The following RYR3 variants were observed in gnomAD, a reference collection of about 807,000 sequenced individuals.
RYR3 encodes the protein ryanodine receptor 3.
RYR3 carries 207 observed loss-of-function variants against 584.3 expected under a neutral mutation model. The observed-to-expected ratio is 0.35, with a 90% CI of 0.32 to 0.40. The LOEUF (loss-of-function observed/expected upper bound fraction) is 0.40. Among genes scored for constraint, RYR3 ranks in the 10% least tolerant of loss-of-function variants. The pLI is 1.00. For missense variants in RYR3, 5,616 were observed against 6,089.2 expected (o/e 0.92, Z 2.59); for synonymous variants, 2,416 against 2,248.5 (o/e 1.07, Z -2.11).
chr15:33,696,541 A>C, intron 39 of RYR3, 50 bp downstream of exon 39: 2 of 1,565,024 alleles, frequency 1.3e-6, no homozygotes, highest in Non-Finnish European at 1.8e-6. Context: ...TTTAAGTGGG[A>C]AAACTGACTT....
intron 1 of RYR3, among the ~76,000 whole-genome samples, chr15:33,434,174 G>A (rs1047085554): frequency 3.3e-5 from 5 of 152,178 alleles, no homozygotes; most frequent in Non-Finnish European, 7.4e-5. Context: ...TTCCTAAGTT[G>A]TGCCTGAGAG....
chr15:33,443,426 G>A (rs1478754017), intron 1 of RYR3, among the ~76,000 whole-genome samples: 1 of 152,146 alleles, frequency 6.6e-6, no homozygotes, highest in East Asian at 1.9e-4. Context: ...TGATTATGAT[G>A]AGCCCAAGTT....
At chr15:33,467,255 C>T (rs915356439) in intron 1 of RYR3, among the ~76,000 whole-genome samples, 1 of 152,244 alleles carries the variant, frequency 6.6e-6, no homozygotes, top group Admixed American at 6.5e-5. Context: ...CTCTGTCCCA[C>T]GTGCTCCTGG....
At chr15:33,436,120 C>T (rs927393930) in intron 1 of RYR3, among the ~76,000 whole-genome samples, 10 of 152,170 alleles carry the variant, frequency 6.6e-5, no homozygotes, top group African/African-American at 2.4e-4. Context: ...CTTCACCTCT[C>T]AATATCATAT....
At chr15:33,846,982 A>C (rs1299405359) in intron 93 of RYR3, 2 of 152,258 alleles carry the variant, frequency 1.3e-5, no homozygotes, top group Non-Finnish European at 2.9e-5. Context: ...ACTATTTAGC[A>C]AGTAAAGAAT....
chr15:33,461,414 G>T (rs926314728), intron 1 of RYR3, among the ~76,000 whole-genome samples: 1 of 152,098 alleles, frequency 6.6e-6, no homozygotes, highest in Non-Finnish European at 1.5e-5. Context: ...GATAGTGTCT[G>T]GTTTTGATTC....
At chr15:33,779,729 G>A (rs541559006) in intron 64 of RYR3, among the ~76,000 whole-genome samples, 12 of 152,158 alleles carry the variant, frequency 7.9e-5, no homozygotes, top group Non-Finnish European at 1.6e-4. Flanking sequence ...CTGGCCGGGC[G>A]TGGTGGCTCA....
intron 53 of RYR3, among the ~76,000 whole-genome samples, chr15:33,747,836 C>T (rs538234657): frequency 6.6e-6 from 1 of 152,308 alleles, no homozygotes; most frequent in African/African-American, 2.4e-5. Context: ...GCCACTCTCC[C>T]ATTCCTGTTC....
At chr15:33,646,835 A>G (rs2062131653) in intron 29 of RYR3, among the ~76,000 whole-genome samples, 1 of 152,218 alleles carries the variant, frequency 6.6e-6, no homozygotes, top group African/African-American at 2.4e-5. Context: ...TTGTGAGTGC[A>G]TAAGAGGGTG....
chr15:33,701,652 G>C (rs764681695), intron 42 of RYR3, among the ~76,000 whole-genome samples: 4 of 151,756 alleles, frequency 2.6e-5, no homozygotes, highest in Admixed American at 6.6e-5. Context: ...GGAGGGGGAG[G>C]GGGGTGGAGA....
At chr15:33,648,963 A>T in intron 30 of RYR3, 109 bp from the exon 31 acceptor site, 2 of 1,105,082 alleles carry the variant, frequency 1.8e-6, no homozygotes, top group East Asian at 2.4e-5. Flanking sequence ...TTCCAGAAAA[A>T]AAAGGGGGGG....
In RYR3 at chr15:33,543,658, A is replaced by T. The variant is rs982194939; in HGVS notation, c.683A>T (p.His228Leu). The part of the protein sequence containing the change: ...LLGGHVVRLF[H>L]GHDECLTIPS... ...GGTGGGCATGTAGTACGTCTTTTCCATGGTCATGATGAATGTTTGACGATA... is the reference window on the plus strand; with the variant it reads ...GGTGGGCATGTAGTACGTCTTTTCCTTGGTCATGATGAATGTTTGACGATA... The change falls in exon 8 of 104, where the codon CAT (histidine) becomes CTT (leucine). Residue 228 changes from histidine to leucine, a missense_variant. Coordinates refer to ENST00000634891, the MANE Select transcript of RYR3 (RefSeq NM_001036.6). The T allele has an allele frequency of 5.6e-6, 9 of 1,612,742 alleles. No homozygotes were observed. In the African/African-American group the frequency reaches 8.0e-5, roughly 14 times the overall value.
chr15:33,369,571 C>CATCTATCT (rs1001379753), intron 1 of RYR3, among the ~76,000 whole-genome samples: 1 of 151,864 alleles, frequency 6.6e-6, no homozygotes, highest in African/African-American at 2.4e-5. Flanking sequence ...GTAATTCCTT[C>CATCTATCT]ATCTATCTAT....
At chr15:33,400,465 G>T (rs1266072726) in intron 1 of RYR3, among the ~76,000 whole-genome samples, 2 of 152,148 alleles carry the variant, frequency 1.3e-5, no homozygotes, top group South Asian at 2.1e-4. Flanking sequence ...GAGTCTTTTT[G>T]CATTCACGTG....
At chr15:33,705,096 A>ACTTTCTCTCTCTCTCTCT (rs2066594383) in intron 42 of RYR3, among the ~76,000 whole-genome samples, 1 of 78,874 alleles carries the variant, frequency 1.3e-5, no homozygotes, top group African/African-American at 5.5e-5. Context: ...ATGCACACAC[A>ACTTTCTCTCTCTCTCTCT]CTCTTTCTCT....
chr15:33,451,968 T>C (rs779438040), intron 1 of RYR3, among the ~76,000 whole-genome samples: 2 of 152,176 alleles, frequency 1.3e-5, no homozygotes, highest in Non-Finnish European at 2.9e-5. Flanking sequence ...AAAAATTAAA[T>C]CACAATCACA....
intron 1 of RYR3, among the ~76,000 whole-genome samples, chr15:33,386,751 A>G (rs536415971): frequency 1.3e-5 from 2 of 152,192 alleles, no homozygotes; most frequent in Admixed American, 1.3e-4. Context: ...ATTACTCTCT[A>G]GATGTGTTAT....
intron 65 of RYR3, among the ~76,000 whole-genome samples, chr15:33,781,518 T>A (rs2074377730): frequency 6.6e-6 from 1 of 152,212 alleles, no homozygotes; most frequent in Non-Finnish European, 1.5e-5. Context: ...AAAGGGCTCA[T>A]GCCACACTTT....
chr15:33,572,075 C>G (rs895875323), intron 12 of RYR3, among the ~76,000 whole-genome samples: 2 of 152,126 alleles, frequency 1.3e-5, no homozygotes, highest in African/African-American at 4.8e-5. Flanking sequence ...TAACATTTTT[C>G]CATTCTTTGC....
Sources: allele counts gnomAD v4.1 joint callset (sites outside exome capture counted in the v4.1 genomes callset), GRCh38; gene constraint gnomAD v4.1.1; transcripts MANE v1.5; gene names NCBI Gene and HGNC (gene_info 2026-07-23, HGNC 2026-07-21).